KLC1: variants seen among roughly 807,000 people sequenced by gnomAD.
KLC1 encodes the protein kinesin light chain 1, also known as kinesin 2 60/70kDa.
A neutral mutation model predicts 84.2 loss-of-function variants in KLC1; 30 were observed. The observed-to-expected ratio is 0.36, with a 90% confidence interval of 0.27 to 0.48. The LOEUF (loss-of-function observed/expected upper bound fraction) is 0.48. KLC1 is among the 20% of genes least tolerant of loss of function. The probability of loss-of-function intolerance (pLI) is 0.99; values close to 1 mark genes in which losing one functional copy is unlikely to be tolerated. For missense variants in KLC1, 499 were observed against 805.4 expected, an observed-to-expected ratio of 0.62 and a Z score of 4.60; for synonymous variants, 289 against 293.3, an observed-to-expected ratio of 0.99 and a Z score of 0.15.
intron 1 of KLC1, among the ~76,000 whole-genome samples, chr14:103,650,992 G>A (rs918979425): frequency 2.0e-5 from 3 of 151,754 alleles, no homozygotes; most frequent in Non-Finnish European, 2.9e-5. Context: ...CTTGTCAGTC[G>A]TTTACAGTTT....
intron 1 of KLC1, among the ~76,000 whole-genome samples, chr14:103,635,476 G>A (rs993594345): frequency 1.8e-4 from 28 of 152,254 alleles, no homozygotes; most frequent in African/African-American, 6.5e-4. Flanking sequence ...ATAAAAGGCT[G>A]TGCTTGGTGG....
chr14:103,636,975 C>T (rs148708815), intron 1 of KLC1, among the ~76,000 whole-genome samples: 7,961 of 150,836 alleles, frequency 0.053, 241 homozygotes, highest in South Asian at 0.093. Flanking sequence ...GTGATCCGCC[C>T]GTCTTGGCCT....
chr14:103,658,265 C>T (rs1206274705), intron 3 of KLC1, among the ~76,000 whole-genome samples: 1 of 152,006 alleles, frequency 6.6e-6, no homozygotes, highest in East Asian at 1.9e-4. Context: ...TGGTTTTCTT[C>T]TTCTTCTTTT....
chr14:103,696,092 G>GC lies in KLC1; in HGVS notation c.1848+3672dup, dbSNP rs746987341. On this transcript the variant is annotated intron_variant, in intron 15 of 16. Transcript: ENST00000334553. ...GAGTTGCTGTCAAAATAATCACTGCGCCCCCGCCCCCCGCCCCCCCCCACA... is the reference window on the plus strand; with the variant it reads ...GAGTTGCTGTCAAAATAATCACTGCGCCCCCCGCCCCCCGCCCCCCCCCACA... 720 of 761,662 alleles carry GC rather than the reference G, an allele frequency of 9.5e-4. 9 individuals carry two copies. Among genetic ancestry groups the GC allele is most frequent in the African/African-American group, 7.2e-3 (255 of 35,198 alleles). 47.2% of individuals were successfully genotyped at this position (761,662 alleles called of 1,614,324 possible).
intron 1 of KLC1, among the ~76,000 whole-genome samples, chr14:103,638,755 G>C (rs2077246180): frequency 6.7e-6 from 1 of 149,524 alleles, no homozygotes; most frequent in Non-Finnish European, 1.5e-5. Context: ...GTGTGGGTGT[G>C]TGTGAACATA....
chr14:103,658,322 A>C (rs1037879881), intron 3 of KLC1, among the ~76,000 whole-genome samples: 41 of 151,870 alleles, frequency 2.7e-4, no homozygotes, highest in African/African-American at 9.2e-4. Flanking sequence ...GTGCAATGGC[A>C]CAATCTTGGC....
At chr14:103,685,788 G>A (rs906979921) in intron 13 of KLC1, 40 of 1,235,174 alleles carry the variant, frequency 3.2e-5, no homozygotes, top group Non-Finnish European at 3.5e-5. Flanking sequence ...CATTCCTTTC[G>A]GTGCTGCTGT....
intron 1 of KLC1, among the ~76,000 whole-genome samples, chr14:103,633,689 CTT>C (rs758842340): frequency 6.6e-6 from 1 of 152,070 alleles, no homozygotes; most frequent in Non-Finnish European, 1.5e-5. Flanking sequence ...CACCCTGTCT[CTT>C]TTCATCTTCC....
intron 13 of KLC1, among the ~76,000 whole-genome samples, chr14:103,682,153 G>A (rs1033480838): frequency 6.6e-6 from 1 of 151,948 alleles, no homozygotes; most frequent in Non-Finnish European, 1.5e-5. Flanking sequence ...GGCAGATCAC[G>A]AGGTCAGGAG....
At chr14:103,637,370 A>G (rs1262853571) in intron 1 of KLC1, among the ~76,000 whole-genome samples, 5 of 151,724 alleles carry the variant, frequency 3.3e-5, no homozygotes. Context: ...TCTCTACTAA[A>G]ATTACAAAAA....
Position 103,629,472 on chromosome 14 carries a change from GC to G in KLC1, c.-23del, listed in dbSNP as rs2076496483. ...CTCCAGGTGCTGACAGCGCGAGAGA[GC>G]GCGGCCCTCAGGAGCAAGGCGGTGA... On this transcript the variant is annotated 5_prime_UTR_variant, in exon 1 of 17. Transcript: ENST00000334553. 6.6e-6 allele frequency: 1 copy of G among 152,362 alleles called. No individual in the cohort carries two copies. The highest frequency in any genetic ancestry group is 6.5e-5 in the Admixed American group (1 of 15,276). 9.4% of individuals were successfully genotyped at this position (152,362 alleles called of 1,614,324 possible).
Position 103,685,117 on chromosome 14 carries a change from A to G in KLC1, c.1651-1964A>G, listed in dbSNP as rs143653477. On this transcript the variant is annotated intron_variant, in intron 13 of 16. Coordinates refer to ENST00000334553, the MANE Select transcript of KLC1 (RefSeq NM_001394837.1). ...TCGGCTTTCCAACCTGGCAGGACCC[A>G]GGACGCATTGCTGCCTGTGGAAATT... is the stretch of plus-strand genomic sequence containing the variant. 3.9e-4 allele frequency: 591 copies of G among 1,502,588 alleles called. 4 individuals are homozygous for G. The East Asian group carries it at 0.013, about 34-fold the overall frequency. 93.1% of individuals were successfully genotyped at this position (1,502,588 alleles called of 1,614,324 possible).
chr14:103,651,876 C>G (rs1182148948), intron 1 of KLC1, among the ~76,000 whole-genome samples: 1 of 152,180 alleles, frequency 6.6e-6, no homozygotes, highest in South Asian at 2.1e-4. Flanking sequence ...GTCTGGCCTT[C>G]GTCTCTCAGT....
At chr14:103,689,922 G>A (rs957743567) in intron 14 of KLC1, among the ~76,000 whole-genome samples, 1 of 152,224 alleles carries the variant, frequency 6.6e-6, no homozygotes, top group Non-Finnish European at 1.5e-5. Context: ...GCTGATGCCT[G>A]TAATCCCAGC....
At chr14:103,685,590 C>G (rs891182563) in intron 13 of KLC1, 1 of 1,289,136 alleles carries the variant, frequency 7.8e-7, no homozygotes, top group African/African-American at 1.5e-5. Flanking sequence ...TGTTGCCTTT[C>G]CTCGCCGCGG....
In KLC1 at chr14:103,670,223, A is replaced by G. The variant is rs777971370; in HGVS notation, c.927A>G (p.Lys309=). The G allele has an allele frequency of 1.2e-6, 2 of 1,613,628 alleles. No individual in the cohort carries two copies. The highest frequency in any genetic ancestry group is 1.7e-5 in the Admixed American group (1 of 59,986). Residue 309 remains lysine (K), a synonymous_variant, in exon 7 of 17, where the codon AAA becomes AAG. Coordinates refer to ENST00000334553, the MANE Select transcript of KLC1 (RefSeq NM_001394837.1). ...TLNNLAVLYG[K]RGKYKEAEPL... is the part of the protein sequence containing the mutation. Reference sequence around the variant, plus strand: ...ATAACCTTGCAGTCCTTTATGGTAAAAGAGGGAAGTACAAAGAAGCAGAGC... The same window carrying G: ...ATAACCTTGCAGTCCTTTATGGTAAGAGAGGGAAGTACAAAGAAGCAGAGC...
chr14:103,697,025 TTC>T (rs1206133132), intron 15 of KLC1: 2 of 985,360 alleles, frequency 2.0e-6, no homozygotes, highest in South Asian at 4.7e-5. Context: ...CAGGCGTGTT[TTC>T]TCTGTTAAAT....
Position 103,629,389 on chromosome 14 carries a change from C to T in KLC1, c.-107C>T, listed in dbSNP as rs2076494978. 6.6e-6 allele frequency: 1 copy of T among 152,180 alleles called. No individual in the cohort carries two copies. The allele number at this position is 152,180 out of a possible 1,614,324, so 9.4% of individuals were successfully genotyped here. A position where few individuals can be genotyped will look rare whatever the true frequency, so the allele number is the denominator to read the frequency against. On this transcript the variant is annotated 5_prime_UTR_variant, in exon 1 of 17. Coordinates refer to ENST00000334553, the MANE Select transcript of KLC1 (RefSeq NM_001394837.1). The stretch of plus-strand genomic sequence containing the variant: ...AGCTGGTGACTGCTGCGCCGTGCCT[C>T]ACACAGCCGAGGCGGGCTCGGCGCA...
At chr14:103,659,063 C>T (rs1193022419) in intron 3 of KLC1, among the ~76,000 whole-genome samples, 2 of 152,078 alleles carry the variant, frequency 1.3e-5, no homozygotes, top group Non-Finnish European at 2.9e-5. Flanking sequence ...CTGCAGCCTC[C>T]ACCTCCTGGG....
Sources: allele counts gnomAD v4.1 joint callset (sites outside exome capture counted in the v4.1 genomes callset), GRCh38; gene constraint gnomAD v4.1.1; transcripts MANE v1.5; gene names NCBI Gene and HGNC (gene_info 2026-07-23, HGNC 2026-07-21).